Variants in HRK observed in about 807,000 individuals in gnomAD.
The protein encoded by HRK is harakiri, BCL2 interacting protein.
HRK carries 6 observed loss-of-function variants against 5.9 expected under a neutral mutation model. That is an observed-to-expected ratio of 1.02 (90% CI 0.56 to 2.01). The LOEUF is 2.01. Among genes scored for constraint, HRK ranks in the 30% most tolerant of loss-of-function variants. The probability of loss-of-function intolerance (pLI) is 0.00; values close to 1 mark genes in which losing one functional copy is unlikely to be tolerated. For synonymous variants in HRK, 85 were observed against 65.1 expected, an observed-to-expected ratio of 1.31 and a Z score of -1.47; for missense variants, 133 against 128.3, an observed-to-expected ratio of 1.04 and a Z score of -0.18.
Position 116,861,105 on chromosome 12 carries a change from A to C in HRK, c.*418T>G, listed in dbSNP as rs1364927635. ...CACCAGTCTTTGCAAATAGTTTCTA[A>C]GTACACAGCAGGCATCTCTCTTCTG... is the stretch of plus-strand genomic sequence containing the variant. On this transcript the variant is annotated 3_prime_UTR_variant, in exon 2 of 2. Coordinates refer to ENST00000257572, the MANE Select transcript of HRK (RefSeq NM_003806.4). 6.6e-6 allele frequency: 1 copy of C among 152,208 alleles called. No individual in the cohort carries two copies. The highest frequency in any genetic ancestry group is 1.5e-5 in the Non-Finnish European group (1 of 68,050). 9.4% of individuals were successfully genotyped at this position (152,208 alleles called of 1,614,324 possible).
At chr12:116,865,347 CAA>C (rs1463333045) in intron 1 of HRK, among the ~76,000 whole-genome samples, 1 of 151,830 alleles carries the variant, frequency 6.6e-6, no homozygotes, top group African/African-American at 2.4e-5. Flanking sequence ...GGCAACATGG[CAA>C]AACCTCATCT....
intron 1 of HRK, among the ~76,000 whole-genome samples, chr12:116,863,651 C>T (rs1485034766): frequency 6.6e-6 from 1 of 151,954 alleles, no homozygotes; most frequent in Non-Finnish European, 1.5e-5. Flanking sequence ...TAGTCTATGT[C>T]AGCTGACAGT....
chr12:116,873,804 A>G (rs958796038), intron 1 of HRK, among the ~76,000 whole-genome samples: 2 of 152,150 alleles, frequency 1.3e-5, no homozygotes, highest in Non-Finnish European at 2.9e-5. Flanking sequence ...TGGATAAGCC[A>G]GTTGCCTCCC....
chr12:116,864,170 G>C (rs1377163201), intron 1 of HRK, among the ~76,000 whole-genome samples: 4 of 152,310 alleles, frequency 2.6e-5, no homozygotes, highest in South Asian at 4.1e-4. Flanking sequence ...AAACATCTCT[G>C]TTGGTGTCTA....
chr12:116,859,592 C>G lies in HRK; in HGVS notation c.*1931G>C, dbSNP rs973848157. 2 of 151,396 alleles carry G rather than the reference C, an allele frequency of 1.3e-5. No homozygotes were observed. The highest frequency in any genetic ancestry group is 4.8e-5 in the African/African-American group (2 of 41,286). The allele number at this position is 151,396 out of a possible 1,614,324, so 9.4% of individuals were successfully genotyped here. On this transcript the variant is annotated 3_prime_UTR_variant, in exon 2 of 2. Transcript: ENST00000257572. Reference sequence around the variant, plus strand: ...GCAAACATCAGCTAGGGGGAGGGCACGAGTAATGAGGAGAAACACGTTCTC... The same window carrying G: ...GCAAACATCAGCTAGGGGGAGGGCAGGAGTAATGAGGAGAAACACGTTCTC...
intron 1 of HRK, among the ~76,000 whole-genome samples, chr12:116,870,927 G>C (rs1301370746): frequency 6.6e-6 from 1 of 152,136 alleles, no homozygotes; most frequent in Non-Finnish European, 1.5e-5. Flanking sequence ...TTTTTTGTTT[G>C]TTTGTATTTG....
intron 1 of HRK, chr12:116,867,539 T>G (rs549541487): frequency 3.5e-4 from 54 of 152,194 alleles, no homozygotes; most frequent in Middle Eastern, 3.4e-3. Context: ...GCTCAGGAGT[T>G]TAAGTTATAG....
rs1878269870 is a variant in HRK, at chr12:116,859,292, T to A, written c.*2231A>T. ...CTCTCACCTTTCATCTTCTCCTGTG[T>A]CTACAGGTGGTCAGCATGCCCCCAC... On this transcript the variant is annotated 3_prime_UTR_variant, in exon 2 of 2. Coordinates refer to ENST00000257572, the MANE Select transcript of HRK (RefSeq NM_003806.4). 1 of 152,222 alleles carries A rather than the reference T, an allele frequency of 6.6e-6. No individual in the cohort carries two copies. Among genetic ancestry groups the A allele is most frequent in the Non-Finnish European group, 1.5e-5 (1 of 68,070 alleles). 9.4% of individuals were successfully genotyped at this position (152,222 alleles called of 1,614,324 possible).
chr12:116,877,555 G>A (rs1211992780), intron 1 of HRK, among the ~76,000 whole-genome samples: 2 of 152,208 alleles, frequency 1.3e-5, no homozygotes, highest in Admixed American at 6.5e-5. Context: ...GGGAGGGCAG[G>A]TAGGAGTGGT....
Position 116,859,195 on chromosome 12 carries a change from A to T in HRK, c.*2328T>A, listed in dbSNP as rs1343355510. 1 of 152,196 alleles carries T rather than the reference A, an allele frequency of 6.6e-6. No homozygotes were observed. Among genetic ancestry groups the T allele is most frequent in the Admixed American group, 6.5e-5 (1 of 15,270 alleles). The allele number at this position is 152,196 out of a possible 1,614,324, so 9.4% of individuals were successfully genotyped here. The stretch of plus-strand genomic sequence containing the variant: ...CAAAATCACCCAAAATGCCAACCCC[A>T]GCGTTTGGAGTTTGTATCCTCCAGG... On this transcript the variant is annotated 3_prime_UTR_variant, in exon 2 of 2. Transcript: ENST00000257572.
chr12:116,865,874 C>G (rs1247597587), intron 1 of HRK, among the ~76,000 whole-genome samples: 2 of 151,944 alleles, frequency 1.3e-5, no homozygotes, highest in Non-Finnish European at 2.9e-5. Flanking sequence ...ATAAAGATGA[C>G]AGGCTGGGTG....
chr12:116,858,453 G>A lies in HRK; in HGVS notation c.*3070C>T, dbSNP rs1028013939. On this transcript the variant is annotated 3_prime_UTR_variant, in exon 2 of 2. Transcript: ENST00000257572. ...GGGGGCTCCAGTCCCAGCGGTTCCT[G>A]GCTCCCCACTCTCTGAGAGCAAGCA... The A allele has an allele frequency of 6.6e-6, 1 of 151,754 alleles. No homozygotes were observed. The highest frequency in any genetic ancestry group is 2.4e-5 in the African/African-American group (1 of 41,304). 9.4% of individuals were successfully genotyped at this position (151,754 alleles called of 1,614,324 possible).
Position 116,880,998 on chromosome 12 carries a change from C to A in HRK, c.*34G>T. 7.7e-7 allele frequency: 1 copy of A among 1,290,484 alleles called. No individual in the cohort carries two copies. The allele number at this position is 1,290,484 out of a possible 1,614,324, so 79.9% of individuals were successfully genotyped here. Reference sequence around the variant, plus strand: ...TACCTGTTGCTCGCTCCGGCTGGGTCTCGGCTCCGGCCCCACCAAGAAGCC... The same window carrying A: ...TACCTGTTGCTCGCTCCGGCTGGGTATCGGCTCCGGCCCCACCAAGAAGCC... On this transcript the variant is annotated 3_prime_UTR_variant, in exon 1 of 2. Coordinates refer to ENST00000257572, the MANE Select transcript of HRK (RefSeq NM_003806.4).
At chr12:116,872,308 T>C (rs1330236879) in intron 1 of HRK, among the ~76,000 whole-genome samples, 2 of 151,998 alleles carry the variant, frequency 1.3e-5, no homozygotes, top group Non-Finnish European at 2.9e-5. Context: ...AGGTGGAGGT[T>C]GCAGAGAGAT....
chr12:116,872,109 G>A (rs1039822063), intron 1 of HRK, among the ~76,000 whole-genome samples: 5 of 152,122 alleles, frequency 3.3e-5, no homozygotes, highest in Non-Finnish European at 5.9e-5. Context: ...GGTGGCTCAC[G>A]CCTGTAATCC....
rs1878207458 is a variant in HRK at position 116,857,904 on chromosome 12, AT to A, written c.*3618del. The A allele has an allele frequency of 6.6e-6, 1 of 152,066 alleles. No individual in the cohort carries two copies. The highest frequency in any genetic ancestry group is 1.5e-5 in the Non-Finnish European group (1 of 68,046). 9.4% of individuals were successfully genotyped at this position (152,066 alleles called of 1,614,324 possible). On this transcript the variant is annotated 3_prime_UTR_variant, in exon 2 of 2. Transcript: ENST00000257572. ...CCCCATCTCCACTAAAAATACAAAAATTAGCCGAGCGTGGTGGTGGGTGCCT... is the reference window on the plus strand; with the variant it reads ...CCCCATCTCCACTAAAAATACAAAAATAGCCGAGCGTGGTGGTGGGTGCCT...
intron 1 of HRK, among the ~76,000 whole-genome samples, chr12:116,871,617 A>C (rs1028400196): frequency 1.2e-3 from 133 of 111,656 alleles, no homozygotes; most frequent in Admixed American, 3.7e-3. Context: ...AAAAAAAAAA[A>C]AAGTATTATT....
chr12:116,868,933 T>G (rs78731529), intron 1 of HRK, among the ~76,000 whole-genome samples: 1 of 150,848 alleles, frequency 6.6e-6, no homozygotes, highest in South Asian at 2.1e-4. Context: ...TGGGCCATAC[T>G]ATAAAGATGG....
chr12:116,866,468 A>G (rs1311741261), intron 1 of HRK, among the ~76,000 whole-genome samples: 2 of 151,800 alleles, frequency 1.3e-5, no homozygotes, highest in African/African-American at 2.4e-5. Context: ...GCTCCGGTCC[A>G]TGTTATCCCT....
Sources: allele counts gnomAD v4.1 joint callset (sites outside exome capture counted in the v4.1 genomes callset), GRCh38; gene constraint gnomAD v4.1.1; transcripts MANE v1.5; gene names NCBI Gene and HGNC (gene_info 2026-07-23, HGNC 2026-07-21).